The following LIPK variants were observed in gnomAD, a reference collection of about 807,000 sequenced individuals.
LIPK encodes lipase family member K, also known as lipase member K.
Under a neutral mutation model 48.6 loss-of-function variants are expected in LIPK, and 32 were observed. The ratio of observed to expected loss-of-function variants is 0.66; its 90% confidence interval spans 0.50 to 0.88. The LOEUF (loss-of-function observed/expected upper bound fraction) is 0.88, where lower values mean the gene tolerates loss of function less well. Among genes scored for constraint, LIPK ranks in the 40% least tolerant of loss-of-function variants. The pLI is 0.00. For missense variants in LIPK, 507 were observed against 478.5 expected, an observed-to-expected ratio of 1.06 and a Z score of -0.56; for synonymous variants, 164 against 157.4, an observed-to-expected ratio of 1.04 and a Z score of -0.32.
At chr10:88,737,542 C>G in intron 6 of LIPK, 93 bp from the exon 7 acceptor site, 1 of 1,320,308 alleles carries the variant, frequency 7.6e-7, no homozygotes, top group Non-Finnish European at 1.1e-6. Flanking sequence ...CAGATGTCAC[C>G]TAATACTGTG....
At chr10:88,719,058 G>A (rs1266783950) in intron 1 of LIPK, among the ~76,000 whole-genome samples, 1 of 152,054 alleles carries the variant, frequency 6.6e-6, no homozygotes. Context: ...ATAATATGTG[G>A]TTCTTGTCCT....
chr10:88,746,020 A>C (rs1207865868), intron 9 of LIPK, among the ~76,000 whole-genome samples: 1 of 152,240 alleles, frequency 6.6e-6, no homozygotes, highest in South Asian at 2.1e-4. Context: ...ACAATTATCA[A>C]AAGGAACAGA....
At chr10:88,718,373 T>C (rs1344506106) in intron 1 of LIPK, among the ~76,000 whole-genome samples, 1 of 149,102 alleles carries the variant, frequency 6.7e-6, no homozygotes, top group Admixed American at 6.7e-5. Flanking sequence ...GAAAATTATA[T>C]ATTATATATA....
chr10:88,710,619 T>A (rs1308299599), intron 1 of LIPK, among the ~76,000 whole-genome samples: 2 of 152,146 alleles, frequency 1.3e-5, no homozygotes, highest in Non-Finnish European at 2.9e-5. Flanking sequence ...TTGCGCTTTT[T>A]TCATTCGGCA....
intron 3 of LIPK, chr10:88,728,563 A>T (rs560466535): frequency 2.0e-5 from 9 of 439,462 alleles, no homozygotes; most frequent in Non-Finnish European, 4.0e-5. Flanking sequence ...ACCAAACAGG[A>T]GAGGGCGCCG....
intron 8 of LIPK, among the ~76,000 whole-genome samples, chr10:88,741,516 C>T (rs1279564151): frequency 3.3e-5 from 5 of 152,162 alleles, no homozygotes; most frequent in Non-Finnish European, 5.9e-5. Context: ...GTGAGCACTG[C>T]GCATGGCTGC....
At chr10:88,726,757 T>C in intron 2 of LIPK, 38 bp from the exon 3 acceptor site, 1 of 963,854 alleles carries the variant, frequency 1.0e-6, no homozygotes, top group Non-Finnish European at 1.6e-6. Flanking sequence ...ATTAAGAGAT[T>C]ATAACATGAA....
rs76076159 is a variant in LIPK at position 88,747,056 on chromosome 10, T to C, written c.960+3735T>C. Among the ~76,000 whole-genome samples the C allele has an allele frequency of 2.3e-3, 357 of 151,988 alleles. 3 individuals are homozygous for C. The highest frequency in any genetic ancestry group is 0.023 in the East Asian group (117 of 5,170). On this transcript the variant is annotated intron_variant, in intron 9 of 9. Coordinates refer to ENST00000404190, the MANE Select transcript of LIPK (RefSeq NM_001080518.2). ...CCGGGAAGCATAACACCTCCAAAGA[T>C]TAAATCAGGAAGCAATTGAAATCCT...
chr10:88,723,117 T>C (rs184770346), intron 1 of LIPK, among the ~76,000 whole-genome samples: 218 of 152,190 alleles, frequency 1.4e-3, no homozygotes, highest in Admixed American at 2.6e-3. Flanking sequence ...ACTCCTGGAC[T>C]GAAGTGATCA....
At chr10:88,726,363 T>C (rs1842338279) in intron 2 of LIPK, among the ~76,000 whole-genome samples, 1 of 152,156 alleles carries the variant, frequency 6.6e-6, no homozygotes, top group Admixed American at 6.5e-5. Context: ...TCACGGCACA[T>C]AGAGTGATAA....
chr10:88,714,907 A>G (rs991042432), intron 1 of LIPK, among the ~76,000 whole-genome samples: 12 of 151,974 alleles, frequency 7.9e-5, no homozygotes, highest in African/African-American at 2.9e-4. Context: ...CTACTTTGAT[A>G]TTAATTTGAT....
At chr10:88,731,710 G>A (rs1842471820) in intron 4 of LIPK, among the ~76,000 whole-genome samples, 1 of 152,192 alleles carries the variant, frequency 6.6e-6, no homozygotes, top group Admixed American at 6.5e-5. Flanking sequence ...AATTCCCTAG[G>A]TAAGTATTTC....
At chr10:88,729,593 G>A (rs1311951048) in intron 3 of LIPK, among the ~76,000 whole-genome samples, 3 of 152,184 alleles carry the variant, frequency 2.0e-5, no homozygotes, top group African/African-American at 7.2e-5. Context: ...GCTGTACAAT[G>A]AGAAACTCTT....
At position 88,732,648 on chromosome 10, in the gene LIPK, G is replaced by T. The variant is rs144324523; in HGVS notation, c.669+97G>T. The T allele has an allele frequency of 2.9e-4, 349 of 1,215,196 alleles. 2 individuals are homozygous for T. In the African/African-American group the frequency reaches 4.9e-3, roughly 17 times the overall value. The allele number at this position is 1,215,196 out of a possible 1,614,324, so 75.3% of individuals were successfully genotyped here. ...CCAATGACATTTTACAAACTTCTGA[G>T]AAAATAATAGGTATTCAAGATATCC... On this transcript the variant is annotated intron_variant, in intron 6 of 9. Transcript: ENST00000404190.
At chr10:88,728,731 G>A in intron 3 of LIPK, 1 of 288,320 alleles carries the variant, frequency 3.5e-6, no homozygotes, top group Non-Finnish European at 7.0e-6. Context: ...TACCCAGGTG[G>A]GCTGGGCTCG....
At chr10:88,709,287 TTTA>T (rs896129242) in intron 1 of LIPK, among the ~76,000 whole-genome samples, 2 of 152,188 alleles carry the variant, frequency 1.3e-5, no homozygotes, top group Non-Finnish European at 2.9e-5. Context: ...CAAAAATTAT[TTTA>T]TTTTTTTATT....
chr10:88,715,448 T>C lies in LIPK; in HGVS notation c.-11-9085T>C, dbSNP rs191099555. Among the ~76,000 whole-genome samples the C allele has an allele frequency of 9.2e-4, 140 of 152,280 alleles. 2 individuals carry two copies. In the East Asian group the frequency reaches 0.015, roughly 17 times the overall value. Reference sequence around the variant, plus strand: ...GTCTTGAAGCCTACTTTGTCTGTTATAAATTTGACAGCTTTCTTATTCTTA... The same window carrying C: ...GTCTTGAAGCCTACTTTGTCTGTTACAAATTTGACAGCTTTCTTATTCTTA... On this transcript the variant is annotated intron_variant, in intron 1 of 9. Coordinates refer to ENST00000404190, the MANE Select transcript of LIPK (RefSeq NM_001080518.2).
intron 1 of LIPK, among the ~76,000 whole-genome samples, chr10:88,720,060 G>T (rs914638647): frequency 2.6e-5 from 4 of 152,116 alleles, no homozygotes; most frequent in Non-Finnish European, 4.4e-5. Flanking sequence ...AGAGGGGTTG[G>T]GGGCAGGGAG....
intron 1 of LIPK, among the ~76,000 whole-genome samples, chr10:88,709,367 G>A (rs1403008364): frequency 6.6e-6 from 1 of 152,036 alleles, no homozygotes; most frequent in South Asian, 2.1e-4. Flanking sequence ...CATGTGCCAC[G>A]GTGGTTTGCT....
Sources: allele counts gnomAD v4.1 joint callset (sites outside exome capture counted in the v4.1 genomes callset), GRCh38; gene constraint gnomAD v4.1.1; transcripts MANE v1.5; gene names NCBI Gene and HGNC (gene_info 2026-07-23, HGNC 2026-07-21).